The following SLC45A1 variants were observed in gnomAD, a reference collection of about 807,000 sequenced individuals.
SLC45A1 encodes solute carrier family 45 member 1.
SLC45A1 carries 28 observed loss-of-function variants against 57.6 expected under a neutral mutation model. That is an observed-to-expected ratio of 0.49 (90% CI 0.36 to 0.67). The LOEUF is 0.67. Among genes scored for constraint, SLC45A1 ranks in the 30% least tolerant of loss-of-function variants. SLC45A1 has a pLI of 0.00. For synonymous variants in SLC45A1, 459 were observed against 471.5 expected (o/e 0.97, Z 0.34); for missense variants, 814 against 1,041.5 (o/e 0.78, Z 3.01).
chr1:8,338,093 C>T, intron 7 of SLC45A1, 101 bp downstream of exon 7: 1 of 1,093,504 alleles, frequency 9.1e-7, no homozygotes, highest in East Asian at 2.5e-5. Context: ...ATTGCAGACA[C>T]CACATCCCAA....
intron 7 of SLC45A1, among the ~76,000 whole-genome samples, chr1:8,338,285 G>A (rs567356809): frequency 2.4e-4 from 37 of 152,236 alleles, no homozygotes; most frequent in Non-Finnish European, 5.0e-4. Flanking sequence ...GGCCCTGGGG[G>A]AACCCCAAGG....
Position 8,335,647 on chromosome 1 carries a change from C to T in SLC45A1, c.1597+57C>T. Reference sequence around the variant, plus strand: ...CTGGTCCTGCTCAGGGCTCTCGCCCCACTGGCCTCCCAGGATGCCCCTGAG... The same window carrying T: ...CTGGTCCTGCTCAGGGCTCTCGCCCTACTGGCCTCCCAGGATGCCCCTGAG... On this transcript the variant is annotated intron_variant, in intron 6 of 8. Coordinates refer to ENST00000471889, the MANE Select transcript of SLC45A1 (RefSeq NM_001080397.3). The surrounding 1 kb of genome is among the most constrained non-coding windows in gnomAD (Gnocchi z 4.1). 6.6e-7 allele frequency: 1 copy of T among 1,506,992 alleles called. No homozygotes were observed. Among genetic ancestry groups the T allele is most frequent in the Non-Finnish European group, 8.8e-7 (1 of 1,130,358 alleles). The allele number at this position is 1,506,992 out of a possible 1,614,324, so 93.4% of individuals were successfully genotyped here.
intron 5 of SLC45A1, among the ~76,000 whole-genome samples, chr1:8,331,794 C>G (rs1640418368): frequency 3.4e-5 from 1 of 29,334 alleles, no homozygotes. Context: ...ACAGTGACAA[C>G]TCTTTTTTTT....
chr1:8,319,236 T>C (rs1639917782), intron 1 of SLC45A1, among the ~76,000 whole-genome samples: 1 of 152,206 alleles, frequency 6.6e-6, no homozygotes, highest in Admixed American at 6.5e-5. Context: ...ACCCAGATCA[T>C]GCCACTGCAC....
intron 8 of SLC45A1, among the ~76,000 whole-genome samples, chr1:8,340,752 C>T (rs541794149): frequency 1.9e-4 from 29 of 152,126 alleles, no homozygotes; most frequent in Admixed American, 1.8e-3. Flanking sequence ...TTAATAACAA[C>T]GAAACCATTT....
At position 8,328,153 on chromosome 1, in the gene SLC45A1, C is replaced by T. The variant is rs1640258794; in HGVS notation, c.716-2056C>T. 1 of 152,228 alleles carries T rather than the reference C, an allele frequency of 6.6e-6. No individual in the cohort carries two copies. The highest frequency in any genetic ancestry group is 2.4e-5 in the African/African-American group (1 of 41,454). 9.4% of individuals were successfully genotyped at this position (152,228 alleles called of 1,614,324 possible). A position where few individuals can be genotyped will look rare whatever the true frequency, so the allele number is the denominator to read the frequency against. Reference sequence around the variant, plus strand: ...TCCTTCCTCTACTCTTTCCCCAACCCTCACTGCTGCACTTGACTAGTCTTG... The same window carrying T: ...TCCTTCCTCTACTCTTTCCCCAACCTTCACTGCTGCACTTGACTAGTCTTG... On this transcript the variant is annotated intron_variant, in intron 4 of 8. Coordinates refer to ENST00000471889, the MANE Select transcript of SLC45A1 (RefSeq NM_001080397.3). This position sits in a 1 kb window ranked among gnomAD's most constrained non-coding sequence, Gnocchi z 4.6.
rs145885405 is a variant in SLC45A1 at position 8,337,897 on chromosome 1, C to T, written c.1679C>T (p.Pro560Leu). ...GTGTTTCAGGGGGACCCCAAGGCCC[C>T]GCACACATCAGAGGCGTATCAGAAG... ...EVVFQGDPKA[P>L]HTSEAYQKYN... The change falls in exon 7 of 9, where the codon CCG (proline) becomes CTG (leucine). Residue 560 changes from proline to leucine, a missense_variant. Pro to Leu is a moderately conservative substitution (Grantham distance 98). Transcript: ENST00000471889. 56 of 1,614,110 alleles carry T rather than the reference C, an allele frequency of 3.5e-5. No individual in the cohort carries two copies. Among genetic ancestry groups the T allele is most frequent in the South Asian group, 2.1e-4 (19 of 91,090 alleles).
Position 8,335,695 on chromosome 1 carries a change from G to A in SLC45A1, c.1597+105G>A, listed in dbSNP as rs1287381412. ...GAGCCTCCCTTCCCAGAACCTTTCT[G>A]AGTTCACCAGCCCCCAACAACAGCA... is the stretch of plus-strand genomic sequence containing the variant. On this transcript the variant is annotated intron_variant, in intron 6 of 8. Coordinates refer to ENST00000471889, the MANE Select transcript of SLC45A1 (RefSeq NM_001080397.3). The surrounding 1 kb of genome is among the most constrained non-coding windows in gnomAD (Gnocchi z 4.1). The A allele has an allele frequency of 1.6e-6, 2 of 1,277,708 alleles. No homozygotes were observed. Among genetic ancestry groups the A allele is most frequent in the Non-Finnish European group, 2.1e-6 (2 of 949,588 alleles). 79.1% of individuals were successfully genotyped at this position (1,277,708 alleles called of 1,614,324 possible).
chr1:8,324,807 GGGGAGAAGGGA>G, intron 2 of SLC45A1, 81 bp downstream of exon 2: 1 of 1,329,710 alleles, frequency 7.5e-7, no homozygotes, highest in East Asian at 2.5e-5. Context: ...AGGGTCCTGA[GGGGAGAAGGGA>G]GGATCAAGAG....
Position 8,331,351 on chromosome 1 carries a change from T to C in SLC45A1, c.1443+415T>C, listed in dbSNP as rs1379483263. The stretch of plus-strand genomic sequence containing the variant: ...AAAAAATATTTTTAAAAAACACTTT[T>C]AAAAAATATTTTTAAAAAACACTTT... On this transcript the variant is annotated intron_variant, in intron 5 of 8. Transcript: ENST00000471889. 1.1e-4 allele frequency among the ~76,000 whole-genome samples: 8 copies of C among 72,760 alleles called. No individual in the cohort carries two copies. In the South Asian group the frequency reaches 5.1e-3, roughly 47 times the overall value. The allele number at this position is 72,760 out of a possible 152,430, so 47.7% of individuals were successfully genotyped here.
At position 8,325,174 on chromosome 1, in the gene SLC45A1, C is replaced by G. The variant is rs1409212439; in HGVS notation, c.398-124C>G. The G allele has an allele frequency of 3.1e-6, 2 of 649,256 alleles. No homozygotes were observed. The highest frequency in any genetic ancestry group is 5.5e-6 in the Non-Finnish European group (2 of 362,004). 40.2% of individuals were successfully genotyped at this position (649,256 alleles called of 1,614,324 possible). On this transcript the variant is annotated intron_variant, in intron 2 of 8. Coordinates refer to ENST00000471889, the MANE Select transcript of SLC45A1 (RefSeq NM_001080397.3). The surrounding 1 kb of genome is among the most constrained non-coding windows in gnomAD (Gnocchi z 6.3). ...AGGGTTTTGTCACTGACTGTTTCAT[C>G]ATCTTATTCTTTTGATGCACTGGGG... is the stretch of plus-strand genomic sequence containing the variant.
At chr1:8,323,756 G>A (rs1300547224) in intron 1 of SLC45A1, among the ~76,000 whole-genome samples, 3 of 152,202 alleles carry the variant, frequency 2.0e-5, no homozygotes, top group East Asian at 3.9e-4. Flanking sequence ...CTGGCCTACC[G>A]CGAAGGAGGG....
intron 8 of SLC45A1, among the ~76,000 whole-genome samples, chr1:8,342,916 A>AAGAGAAAAGAAAG (rs1553152026): frequency 6.6e-6 from 1 of 151,480 alleles, no homozygotes; most frequent in Admixed American, 6.6e-5. Context: ...AAAAAAAGAA[A>AAGAGAAAAGAAAG]AGAGAAAAGA....
At position 8,335,056 on chromosome 1, in the gene SLC45A1, C is replaced by A. The variant is rs979720121; in HGVS notation, c.1444-381C>A. On this transcript the variant is annotated intron_variant, in intron 5 of 8. Transcript: ENST00000471889. This position sits in a 1 kb window ranked among gnomAD's most constrained non-coding sequence, Gnocchi z 4.1. ...GGTGGCCACCTTGAAATAAGTCGTT[C>A]CCAGTCTTCTTTTACAAAAAAGAAA... is the stretch of plus-strand genomic sequence containing the variant. Among the ~76,000 whole-genome samples, 2 of 152,148 alleles carry A rather than the reference C, an allele frequency of 1.3e-5. No individual in the cohort carries two copies. The highest frequency in any genetic ancestry group is 2.4e-5 in the African/African-American group (1 of 41,420).
At chr1:8,339,426 G>C in intron 7 of SLC45A1, 67 bp from the exon 8 acceptor site, 1 of 1,508,172 alleles carries the variant, frequency 6.6e-7, no homozygotes, top group South Asian at 1.1e-5. Context: ...CCGGGAGGTG[G>C]CACTGGAAGC....
intron 1 of SLC45A1, among the ~76,000 whole-genome samples, chr1:8,322,100 T>G: frequency 9.6e-6 from 1 of 104,694 alleles, no homozygotes; most frequent in Admixed American, 1.1e-4. Context: ...GATGGATGGG[T>G]GGGTGGGTGA....
Position 8,325,350 on chromosome 1 carries a change from G to A in SLC45A1, c.450G>A (p.Arg150=). Residue 150 remains arginine (R), a synonymous_variant, in exon 3 of 9, where the codon AGG becomes AGA. Transcript: ENST00000471889. The surrounding 1 kb of genome is among the most constrained non-coding windows in gnomAD (Gnocchi z 6.3). ...LGAWSDRCTS[R]FGRRRPFILV... Reference sequence around the variant, plus strand: ...CTTGGAGTGACCGGTGTACCTCAAGGTTTGGAAGGAGACGCCCTTTCATTC... The same window carrying A: ...CTTGGAGTGACCGGTGTACCTCAAGATTTGGAAGGAGACGCCCTTTCATTC... The A allele has an allele frequency of 6.2e-7, 1 of 1,613,616 alleles. No individual in the cohort carries two copies. Among genetic ancestry groups the A allele is most frequent in the Non-Finnish European group, 8.5e-7 (1 of 1,179,806 alleles).
chr1:8,335,457 C>T lies in SLC45A1; in HGVS notation c.1464C>T (p.Asn488=), dbSNP rs368396525. 173 of 1,595,256 alleles carry T rather than the reference C, an allele frequency of 1.1e-4. 1 individual carries two copies. Among genetic ancestry groups the T allele is most frequent in the Non-Finnish European group, 1.3e-4 (152 of 1,177,068 alleles). ...CCCAGGTGGCCAATATCCTGCTCAA[C>T]GGCGTGAAGTATGAGAGCGAGCTGA... ...FSQQVANILL[N]GVKYESELTG... The change falls in exon 6 of 9, where the codon AAC becomes AAT. Residue 488 remains asparagine, a synonymous_variant. Coordinates refer to ENST00000471889, the MANE Select transcript of SLC45A1 (RefSeq NM_001080397.3). This position sits in a 1 kb window ranked among gnomAD's most constrained non-coding sequence, Gnocchi z 4.1.
rs1281217520 is a variant in SLC45A1, at chr1:8,327,818, G to A, written c.715+1776G>A. Among the ~76,000 whole-genome samples the A allele has an allele frequency of 1.3e-5, 2 of 152,112 alleles. No individual in the cohort carries two copies. Among genetic ancestry groups the A allele is most frequent in the African/African-American group, 4.8e-5 (2 of 41,414 alleles). ...GGCTGAAGTGGGTGAATCACTTGAGGTCAGGCGTTCAAGACCAGCCTGGCC... is the reference window on the plus strand; with the variant it reads ...GGCTGAAGTGGGTGAATCACTTGAGATCAGGCGTTCAAGACCAGCCTGGCC... On this transcript the variant is annotated intron_variant, in intron 4 of 8. Coordinates refer to ENST00000471889, the MANE Select transcript of SLC45A1 (RefSeq NM_001080397.3). This position sits in a 1 kb window ranked among gnomAD's most constrained non-coding sequence, Gnocchi z 4.3.
Sources: gnomAD v4.1 joint callset for allele counts (sites outside exome capture counted in the v4.1 genomes callset) on GRCh38, gnomAD v4.1.1 for gene constraint, Gnocchi (gnomAD v3.1) non-coding constraint, MANE v1.5 for transcripts, NCBI Gene and HGNC (gene_info 2026-07-23, HGNC 2026-07-21) for gene names.